Variants in FMN1 observed in about 807,000 individuals in gnomAD.
FMN1 encodes the protein formin 1.
Under a neutral mutation model 132.4 loss-of-function variants are expected in FMN1, and 110 were observed. That is an observed-to-expected ratio of 0.83 (90% CI 0.71 to 0.97). FMN1 has a LOEUF of 0.97. Ranked by LOEUF, FMN1 falls within the 50% of genes least tolerant of loss-of-function variation. FMN1 has a pLI of 0.00. For missense variants in FMN1, 1,792 were observed against 1,705.3 expected (o/e 1.05, Z -0.90); for synonymous variants, 722 against 651.7 (o/e 1.11, Z -1.64).
At chr15:32,987,046 T>C (rs977356930) in intron 7 of FMN1, among the ~76,000 whole-genome samples, 8 of 152,178 alleles carry the variant, frequency 5.3e-5, no homozygotes, top group Non-Finnish European at 7.4e-5. Flanking sequence ...CTGAGGGTTA[T>C]AGATGGCTAC....
intron 4 of FMN1, among the ~76,000 whole-genome samples, chr15:33,145,752 C>CT (rs1964191357): frequency 6.6e-6 from 1 of 151,616 alleles, no homozygotes; most frequent in Admixed American, 6.6e-5. Flanking sequence ...AGTCTGAATC[C>CT]TAGGGAGAAC....
chr15:32,969,127 C>G lies in FMN1; in HGVS notation c.2574G>C (p.Glu858Asp), dbSNP rs369598455. 5 of 1,613,380 alleles carry G rather than the reference C, an allele frequency of 3.1e-6. No homozygotes were observed. In the African/African-American group the frequency reaches 5.3e-5, roughly 17 times the overall value. The change falls in exon 8 of 21, where the codon GAG becomes GAC. Residue 858 changes from glutamate (E) to aspartate (D), a missense_variant. Physicochemically the swap from Glu to Asp is conservative, Grantham distance 45. Transcript: ENST00000616417. ...KDIHAALQPM[E>D]GMASNQQKAL... ...CCTTCTGCTGATTTGATGCCATGCC[C>G]TCCATTGGCTGGAGTGCTGCATGGA...
intron 4 of FMN1, among the ~76,000 whole-genome samples, chr15:33,128,827 C>G (rs1963392570): frequency 6.6e-6 from 1 of 152,222 alleles, no homozygotes; most frequent in African/African-American, 2.4e-5. Flanking sequence ...ATAACAAAGC[C>G]TCCGCAATGC....
chr15:32,995,767 G>A (rs1203539127), intron 7 of FMN1, among the ~76,000 whole-genome samples: 5 of 152,120 alleles, frequency 3.3e-5, no homozygotes, highest in Admixed American at 6.5e-5. Context: ...ATTTTAACAC[G>A]CAATTATCTT....
chr15:32,897,277 T>G (rs1284606786), intron 15 of FMN1, among the ~76,000 whole-genome samples: 1 of 152,190 alleles, frequency 6.6e-6, no homozygotes, highest in Non-Finnish European at 1.5e-5. Flanking sequence ...GTTTTTCTTT[T>G]CTTCAGTCTG....
chr15:32,798,769 TGAA>T lies in FMN1; in HGVS notation c.4130+32_4130+34del, dbSNP rs576770698. On this transcript the variant is annotated intron_variant, in intron 19 of 20. Transcript: ENST00000616417. The stretch of plus-strand genomic sequence containing the variant: ...TTAAGAGTGCAGTTTCCTAGGCTCC[TGAA>T]GGAGGCATTAAAATCTTTTTTTGAA... 610 of 1,578,756 alleles carry T rather than the reference TGAA, an allele frequency of 3.9e-4. 1 individual carries two copies. The highest frequency in any genetic ancestry group is 5.0e-4 in the Non-Finnish European group (578 of 1,157,668).
intron 9 of FMN1, among the ~76,000 whole-genome samples, chr15:32,930,411 GTT>G (rs60873457): frequency 6.9e-6 from 1 of 144,464 alleles, no homozygotes; most frequent in Non-Finnish European, 1.5e-5. Flanking sequence ...GTATTTTTCA[GTT>G]TTTTTTTTTT....
chr15:33,149,811 T>G (rs1244528334), intron 4 of FMN1: 1 of 984,670 alleles, frequency 1.0e-6, no homozygotes, highest in East Asian at 1.1e-4. Context: ...TGGAATTGCA[T>G]CAAACCTTAA....
intron 9 of FMN1, among the ~76,000 whole-genome samples, chr15:32,926,618 G>C (rs2060967937): frequency 6.6e-6 from 1 of 152,160 alleles, no homozygotes; most frequent in Non-Finnish European, 1.5e-5. Flanking sequence ...TTTTCATGTT[G>C]CTACTGGTGA....
chr15:32,848,308 A>C (rs2058908931), intron 17 of FMN1, among the ~76,000 whole-genome samples: 1 of 152,104 alleles, frequency 6.6e-6, no homozygotes, highest in East Asian at 1.9e-4. Flanking sequence ...GAAAGAACGG[A>C]GGGGTTCCAG....
rs371911109 is a variant in FMN1, at chr15:32,900,517, T to C, written c.3508-392A>G. Among the ~76,000 whole-genome samples the C allele has an allele frequency of 1.7e-4, 26 of 152,332 alleles. No homozygotes were observed. The East Asian group carries it at 4.6e-3, about 27-fold the overall frequency. Reference sequence around the variant, plus strand: ...GAAAGGGGTTTACCTTTTGAGGATGTATTTCAGGACTATTTATCTAGATAA... The same window carrying C: ...GAAAGGGGTTTACCTTTTGAGGATGCATTTCAGGACTATTTATCTAGATAA... On this transcript the variant is annotated intron_variant, in intron 13 of 20. Transcript: ENST00000616417.
chr15:32,832,069 A>G (rs894606112), intron 17 of FMN1, among the ~76,000 whole-genome samples: 1 of 152,208 alleles, frequency 6.6e-6, no homozygotes, highest in Non-Finnish European at 1.5e-5. Flanking sequence ...TTATGATTTG[A>G]AACATAAACT....
intron 17 of FMN1, among the ~76,000 whole-genome samples, chr15:32,844,173 C>T (rs527751042): frequency 5.9e-5 from 9 of 152,248 alleles, no homozygotes; most frequent in African/African-American, 2.2e-4. Context: ...TGTTTGAAAG[C>T]AGAGCTGGGG....
chr15:32,817,781 C>T (rs1384657739), intron 17 of FMN1, among the ~76,000 whole-genome samples: 2 of 152,210 alleles, frequency 1.3e-5, no homozygotes, highest in African/African-American at 4.8e-5. Context: ...GTGAATTTAT[C>T]AGAATTCCAG....
At chr15:32,800,325 C>G (rs1024728577) in intron 18 of FMN1, among the ~76,000 whole-genome samples, 1 of 152,142 alleles carries the variant, frequency 6.6e-6, no homozygotes, top group Non-Finnish European at 1.5e-5. Flanking sequence ...TGGAGAAAGG[C>G]AATAACTGCA....
chr15:32,983,712 C>T (rs17816591), intron 7 of FMN1, among the ~76,000 whole-genome samples: 8,465 of 152,064 alleles, frequency 0.056, 277 homozygotes, highest in Middle Eastern at 0.095. Context: ...AAAATGAGTC[C>T]GAAAAGTATC....
intron 4 of FMN1, among the ~76,000 whole-genome samples, chr15:33,094,881 G>GC (rs1467058163): frequency 6.6e-6 from 1 of 152,100 alleles, no homozygotes; most frequent in Non-Finnish European, 1.5e-5. Flanking sequence ...AATGGATAGA[G>GC]CACCTAGGTA....
At chr15:33,039,296 G>T (rs1353271571) in intron 6 of FMN1, among the ~76,000 whole-genome samples, 1 of 152,100 alleles carries the variant, frequency 6.6e-6, no homozygotes, top group East Asian at 1.9e-4. Context: ...AGGTTGACAG[G>T]TATGAGATAT....
In FMN1 at chr15:32,778,399, A is replaced by T. The variant is rs147575899; in HGVS notation, c.4131-1480T>A. 7.9e-5 allele frequency among the ~76,000 whole-genome samples: 12 copies of T among 151,506 alleles called. No homozygotes were observed. In the East Asian group the frequency reaches 1.5e-3, roughly 20 times the overall value. On this transcript the variant is annotated intron_variant, in intron 19 of 20. Coordinates refer to ENST00000616417, the MANE Select transcript of FMN1 (RefSeq NM_001277313.2). ...AATGGGAAAAATATTTTTAAATCAT[A>T]TACCTGATAGAAACTTGTGTCTGGA...
Sources: allele counts gnomAD v4.1 joint callset (sites outside exome capture counted in the v4.1 genomes callset), GRCh38; gene constraint gnomAD v4.1.1; transcripts MANE v1.5; gene names NCBI Gene and HGNC (gene_info 2026-07-23, HGNC 2026-07-21).